Variants in SHOC2 observed in about 807,000 individuals in gnomAD.
SHOC2 encodes the protein leucine-rich repeat protein SHOC-2.
Under a neutral mutation model 50.2 loss-of-function variants are expected in SHOC2, and 4 were observed. The observed-to-expected ratio is 0.08, with a 90% CI of 0.04 to 0.18. The LOEUF (loss-of-function observed/expected upper bound fraction) is 0.18. Among genes scored for constraint, SHOC2 ranks in the 10% least tolerant of loss-of-function variants. SHOC2 has a pLI of 1.00. For synonymous variants in SHOC2, 218 were observed against 244.5 expected (o/e 0.89, Z 1.01); for missense variants, 388 against 669.6 (o/e 0.58, Z 4.64).
At chr10:110,985,922 T>C (rs1848067767) in intron 3 of SHOC2, 157 bp downstream of exon 3, 2 of 654,186 alleles carry the variant, frequency 3.1e-6, no homozygotes, top group Admixed American at 5.3e-5. Context: ...TCATTTTTCA[T>C]TTCCTTTTCT....
chr10:110,946,249 C>T (rs1043916810), intron 1 of SHOC2, among the ~76,000 whole-genome samples: 17 of 151,636 alleles, frequency 1.1e-4, no homozygotes, highest in African/African-American at 4.1e-4. Context: ...ACTGAGATAA[C>T]ATATTTTGAA....
intron 4 of SHOC2, among the ~76,000 whole-genome samples, chr10:111,002,925 T>A (rs1848405786): frequency 6.6e-6 from 1 of 152,234 alleles, no homozygotes; most frequent in African/African-American, 2.4e-5. Flanking sequence ...GTAAGTCAGT[T>A]GTAAGAATAA....
chr10:111,007,454 T>C, intron 5 of SHOC2, 77 bp from the exon 6 acceptor site: 1 of 1,487,278 alleles, frequency 6.7e-7, no homozygotes, highest in Non-Finnish European at 9.3e-7. Context: ...TTAAGAATTC[T>C]CTTTCCGAAG....
intron 1 of SHOC2, among the ~76,000 whole-genome samples, chr10:110,938,745 G>T (rs1847079834): frequency 6.6e-6 from 1 of 152,150 alleles, no homozygotes; most frequent in African/African-American, 2.4e-5. Context: ...GGAACTAAAT[G>T]TTGTAGAAAT....
At chr10:110,950,398 T>C (rs965129245) in intron 1 of SHOC2, among the ~76,000 whole-genome samples, 4 of 152,088 alleles carry the variant, frequency 2.6e-5, no homozygotes, top group East Asian at 1.9e-4. Flanking sequence ...TGGAAAGATA[T>C]CCTGTTTTTG....
At position 110,959,099 on chromosome 10, in the gene SHOC2, T is replaced by C. The variant is rs552715158; in HGVS notation, c.-234-5026T>C. On this transcript the variant is annotated intron_variant, in intron 1 of 8. Coordinates refer to ENST00000369452, the MANE Select transcript of SHOC2 (RefSeq NM_007373.4). ...AATGATATTAGAAAAAAATGAAGAA[T>C]TTATTATACATTTTATGTTTCAGTA... 7.9e-5 allele frequency among the ~76,000 whole-genome samples: 12 copies of C among 152,324 alleles called. No homozygotes were observed. In the East Asian group the frequency reaches 2.1e-3, roughly 27 times the overall value.
rs147428554 is a variant in SHOC2, at chr10:110,952,783, A to G, written c.-234-11342A>G. Among the ~76,000 whole-genome samples, 764 of 152,168 alleles carry G rather than the reference A, an allele frequency of 5.0e-3. 4 individuals carry two copies. The highest frequency in any genetic ancestry group is 0.018 in the African/African-American group (736 of 41,496). On this transcript the variant is annotated intron_variant, in intron 1 of 8. Transcript: ENST00000369452. Reference sequence around the variant, plus strand: ...CGTGTCCATGGGTTCTCATTGTTCAATTCCCACTTATGAGTGAGAACATGC... The same window carrying G: ...CGTGTCCATGGGTTCTCATTGTTCAGTTCCCACTTATGAGTGAGAACATGC...
intron 3 of SHOC2, among the ~76,000 whole-genome samples, chr10:110,997,865 T>A (rs1482938962): frequency 6.6e-6 from 1 of 152,216 alleles, no homozygotes; most frequent in Non-Finnish European, 1.5e-5. Context: ...CCAATTTAAA[T>A]AATTATTCTT....
At chr10:110,945,703 C>T (rs976604589) in intron 1 of SHOC2, among the ~76,000 whole-genome samples, 6 of 152,160 alleles carry the variant, frequency 3.9e-5, no homozygotes, top group Non-Finnish European at 8.8e-5. Context: ...CAGACTCTGA[C>T]TCTCCATGCT....
chr10:110,982,392 A>G (rs1847998267), intron 2 of SHOC2, among the ~76,000 whole-genome samples: 1 of 151,618 alleles, frequency 6.6e-6, no homozygotes, highest in African/African-American at 2.4e-5. Flanking sequence ...GGCTGGGTCA[A>G]ATGGTATTTC....
At chr10:110,953,408 G>A (rs1387247761) in intron 1 of SHOC2, among the ~76,000 whole-genome samples, 6 of 152,236 alleles carry the variant, frequency 3.9e-5, no homozygotes, top group Middle Eastern at 3.4e-3. Context: ...CTGCAGATTG[G>A]CTTCTTTCAT....
At chr10:110,950,785 G>A (rs1847336288) in intron 1 of SHOC2, among the ~76,000 whole-genome samples, 2 of 152,116 alleles carry the variant, frequency 1.3e-5, no homozygotes. Context: ...TCAATAAATG[G>A]TGTTGGAAAA....
intron 3 of SHOC2, 37 bp downstream of exon 3, chr10:110,985,802 T>TATCC: frequency 4.5e-6 from 7 of 1,556,788 alleles, no homozygotes; most frequent in Non-Finnish European, 6.2e-6. Context: ...TAGCTGTTAA[T>TATCC]AGCTAACTGG....
intron 1 of SHOC2, among the ~76,000 whole-genome samples, chr10:110,955,111 A>G (rs1847434404): frequency 6.6e-6 from 1 of 152,146 alleles, no homozygotes; most frequent in Non-Finnish European, 1.5e-5. Context: ...TGAGCAGGAG[A>G]GTAATATGAA....
intron 1 of SHOC2, among the ~76,000 whole-genome samples, chr10:110,922,657 A>C (rs1184947603): frequency 6.6e-6 from 1 of 152,064 alleles, no homozygotes; most frequent in Non-Finnish European, 1.5e-5. Flanking sequence ...GCTTATAACA[A>C]AATAAGATTT....
At chr10:110,948,132 C>T (rs1847283245) in intron 1 of SHOC2, among the ~76,000 whole-genome samples, 1 of 152,060 alleles carries the variant, frequency 6.6e-6, no homozygotes, top group Non-Finnish European at 1.5e-5. Context: ...GAGACAAAGT[C>T]ATTATACAAT....
chr10:110,938,711 C>T (rs565718760), intron 1 of SHOC2, among the ~76,000 whole-genome samples: 2 of 152,132 alleles, frequency 1.3e-5, no homozygotes, highest in South Asian at 2.1e-4. Flanking sequence ...GGAAGCACTT[C>T]TTATTCCAAA....
rs554508009 is a variant in SHOC2, at chr10:110,969,863, C to A, written c.703+4802C>A. ...GAACCCATATCATTTTCTTCATTTA[C>A]AAAGCAATTCTCACATCATTCATAT... On this transcript the variant is annotated intron_variant, in intron 2 of 8. Coordinates refer to ENST00000369452, the MANE Select transcript of SHOC2 (RefSeq NM_007373.4). Among the ~76,000 whole-genome samples, 16 of 152,146 alleles carry A rather than the reference C, an allele frequency of 1.1e-4. No individual in the cohort carries two copies. In the South Asian group the frequency reaches 3.3e-3, roughly 32 times the overall value.
chr10:110,966,417 G>A (rs1847676240), intron 2 of SHOC2, among the ~76,000 whole-genome samples: 1 of 152,048 alleles, frequency 6.6e-6, no homozygotes, highest in Non-Finnish European at 1.5e-5. Context: ...TGACCTGCAT[G>A]TTATGGCTCA....
Sources: allele counts gnomAD v4.1 joint callset (sites outside exome capture counted in the v4.1 genomes callset), GRCh38; gene constraint gnomAD v4.1.1; transcripts MANE v1.5; gene names NCBI Gene and HGNC (gene_info 2026-07-23, HGNC 2026-07-21).